PLCB1: variants seen among roughly 807,000 people sequenced by gnomAD.
PLCB1 encodes the protein phospholipase C beta 1.
In PLCB1, 46 loss-of-function variants were observed where a neutral mutation model predicts 161.8. The ratio of observed to expected loss-of-function variants is 0.28; its 90% confidence interval spans 0.22 to 0.36. The LOEUF (loss-of-function observed/expected upper bound fraction) is 0.36, where lower values mean the gene tolerates loss of function less well. Among genes scored for constraint, PLCB1 ranks in the 10% least tolerant of loss-of-function variants. PLCB1 has a pLI of 1.00. For synonymous variants in PLCB1, 517 were observed against 503.7 expected, an observed-to-expected ratio of 1.03 and a Z score of -0.35; for missense variants, 1,016 against 1,472.5, an observed-to-expected ratio of 0.69 and a Z score of 5.07.
chr20:8,802,564 G>A (rs571719405), intron 31 of PLCB1: 74 of 176,210 alleles, frequency 4.2e-4, no homozygotes, highest in Middle Eastern at 2.6e-3. Flanking sequence ...CTGTTTTCCC[G>A]TGGTCCTATT....
At chr20:8,191,336 A>G (rs1237052144) in intron 2 of PLCB1, among the ~76,000 whole-genome samples, 1 of 152,052 alleles carries the variant, frequency 6.6e-6, no homozygotes, top group Non-Finnish European at 1.5e-5. Flanking sequence ...GAACAACTAT[A>G]CATCCTTCAC....
rs1231661476 is a variant in PLCB1 at position 8,438,063 on chromosome 20, A to G, written c.246+66613A>G. On this transcript the variant is annotated intron_variant, in intron 3 of 31. Coordinates refer to ENST00000338037, the MANE Select transcript of PLCB1 (RefSeq NM_015192.4). ...TAGAACTTTTAAAATTTATATCTTC[A>G]TATATGAATTTCATTTTTATTTTGT... Among the ~76,000 whole-genome samples the G allele has an allele frequency of 3.3e-5, 5 of 152,090 alleles. No homozygotes were observed. The East Asian group carries it at 9.6e-4, about 29-fold the overall frequency.
intron 2 of PLCB1, among the ~76,000 whole-genome samples, chr20:8,370,424 G>A (rs1986869289): frequency 6.6e-6 from 1 of 152,040 alleles, no homozygotes; most frequent in Admixed American, 6.6e-5. Flanking sequence ...CAATACCACT[G>A]TACCTGCACC....
intron 3 of PLCB1, among the ~76,000 whole-genome samples, chr20:8,418,032 G>A (rs1385533338): frequency 1.3e-5 from 2 of 152,206 alleles, no homozygotes; most frequent in Admixed American, 6.5e-5. Context: ...AAGGCTTGAG[G>A]ACAGTTCCCT....
intron 2 of PLCB1, among the ~76,000 whole-genome samples, chr20:8,196,721 A>T (rs1282747011): frequency 2.0e-5 from 3 of 151,734 alleles, no homozygotes; most frequent in Non-Finnish European, 4.4e-5. Flanking sequence ...CACAACGTGC[A>T]GGTTTGTTAC....
At chr20:8,206,291 C>G (rs1237819005) in intron 2 of PLCB1, among the ~76,000 whole-genome samples, 4 of 152,148 alleles carry the variant, frequency 2.6e-5, no homozygotes, top group Non-Finnish European at 5.9e-5. Flanking sequence ...CCTTCTCCCA[C>G]CTTCTTGGTA....
At chr20:8,604,074 G>A (rs567365731) in intron 3 of PLCB1, among the ~76,000 whole-genome samples, 2 of 152,068 alleles carry the variant, frequency 1.3e-5, no homozygotes, top group South Asian at 2.1e-4. Flanking sequence ...CCAACATGGC[G>A]AAACTCTGTC....
intron 3 of PLCB1, among the ~76,000 whole-genome samples, chr20:8,569,921 C>T (rs937196576): frequency 1.3e-5 from 2 of 152,134 alleles, no homozygotes; most frequent in African/African-American, 4.8e-5. Flanking sequence ...CTGGCTTGAG[C>T]AATGAAATAT....
At chr20:8,718,266 A>C (rs1382167528) in intron 14 of PLCB1, among the ~76,000 whole-genome samples, 1 of 152,150 alleles carries the variant, frequency 6.6e-6, no homozygotes, top group Non-Finnish European at 1.5e-5. Flanking sequence ...AAGGACTTTG[A>C]ACATTCCTAT....
intron 2 of PLCB1, among the ~76,000 whole-genome samples, chr20:8,346,133 A>C (rs1035003652): frequency 1.3e-5 from 2 of 152,224 alleles, no homozygotes; most frequent in Non-Finnish European, 2.9e-5. Flanking sequence ...TTGCCAGACA[A>C]GGTGAAGATA....
At chr20:8,535,663 T>G (rs1322367442) in intron 3 of PLCB1, among the ~76,000 whole-genome samples, 12 of 152,150 alleles carry the variant, frequency 7.9e-5, no homozygotes, top group Admixed American at 7.2e-4. Context: ...GCTCCAAGGT[T>G]CATAAACTGT....
intron 2 of PLCB1, among the ~76,000 whole-genome samples, chr20:8,281,852 A>G (rs1982890809): frequency 6.6e-6 from 1 of 152,144 alleles, no homozygotes; most frequent in Non-Finnish European, 1.5e-5. Flanking sequence ...CTGTCTACCT[A>G]CTAACTCAAT....
At chr20:8,673,397 G>A (rs1989997871) in intron 9 of PLCB1, among the ~76,000 whole-genome samples, 1 of 152,162 alleles carries the variant, frequency 6.6e-6, no homozygotes, top group African/African-American at 2.4e-5. Flanking sequence ...AGTCTATTTT[G>A]ATAGCTTTGA....
intron 2 of PLCB1, chr20:8,248,819 T>G (rs1469812761): frequency 6.6e-6 from 1 of 151,844 alleles, no homozygotes; most frequent in Non-Finnish European, 1.5e-5. Context: ...TATTAGTAGG[T>G]GAAGGAAGGT....
At chr20:8,816,594 G>A (rs1015809480) in intron 31 of PLCB1, among the ~76,000 whole-genome samples, 1 of 152,026 alleles carries the variant, frequency 6.6e-6, no homozygotes, top group Admixed American at 6.6e-5. Flanking sequence ...TTTCTAAAAG[G>A]CAAAACAAAT....
At chr20:8,857,028 G>A (rs931839437) in intron 31 of PLCB1, among the ~76,000 whole-genome samples, 2 of 152,176 alleles carry the variant, frequency 1.3e-5, no homozygotes, top group African/African-American at 2.4e-5. Flanking sequence ...GGTTGGACCC[G>A]CTTTCATGTT....
chr20:8,178,500 T>C (rs1328255065), intron 2 of PLCB1, among the ~76,000 whole-genome samples: 1 of 152,198 alleles, frequency 6.6e-6, no homozygotes, highest in Non-Finnish European at 1.5e-5. Flanking sequence ...TTGTTTGCTT[T>C]TTCTTGTTAA....
intron 2 of PLCB1, among the ~76,000 whole-genome samples, chr20:8,306,192 T>C (rs1047568536): frequency 4.6e-5 from 7 of 152,172 alleles, no homozygotes; most frequent in African/African-American, 1.4e-4. Flanking sequence ...TTTGCAAAGA[T>C]TGGCTGCAGG....
At chr20:8,261,383 TC>T (rs973938873) in intron 2 of PLCB1, among the ~76,000 whole-genome samples, 51 of 152,198 alleles carry the variant, frequency 3.4e-4, no homozygotes, top group African/African-American at 1.2e-3. Flanking sequence ...TTCACTAAGC[TC>T]CTCTAAGTGC....
Sources: allele counts gnomAD v4.1 joint callset (sites outside exome capture counted in the v4.1 genomes callset), GRCh38; gene constraint gnomAD v4.1.1; transcripts MANE v1.5; gene names NCBI Gene and HGNC (gene_info 2026-07-23, HGNC 2026-07-21).